Variants in GAS2L3 observed in about 807,000 individuals in gnomAD.
GAS2L3 encodes the protein growth arrest specific 2 like 3.
In GAS2L3, 28 loss-of-function variants were observed where a neutral mutation model predicts 37.0. The ratio of observed to expected loss-of-function variants is 0.76; its 90% CI spans 0.56 to 1.04. GAS2L3 has a LOEUF of 1.04. GAS2L3 is among the 50% of genes least tolerant of loss of function. The pLI, the probability that GAS2L3 is intolerant of heterozygous loss-of-function variation, is 0.00. For missense variants in GAS2L3, 793 were observed against 817.6 expected (o/e 0.97, Z 0.37); for synonymous variants, 290 against 296.6 (o/e 0.98, Z 0.23).
intron 8 of GAS2L3, among the ~76,000 whole-genome samples, chr12:100,620,545 A>G (rs1292789015): frequency 6.6e-6 from 1 of 151,964 alleles, no homozygotes; most frequent in South Asian, 2.1e-4. Flanking sequence ...TATCTTAAAT[A>G]AGGAAAAGAT....
At chr12:100,602,393 A>G (rs1243969093) in intron 5 of GAS2L3, among the ~76,000 whole-genome samples, 1 of 151,968 alleles carries the variant, frequency 6.6e-6, no homozygotes, top group East Asian at 1.9e-4. Context: ...AAATTTACAC[A>G]CAGTTGGTGG....
At chr12:100,609,843 A>G (rs1017825536) in intron 5 of GAS2L3, among the ~76,000 whole-genome samples, 1 of 152,174 alleles carries the variant, frequency 6.6e-6, no homozygotes, top group African/African-American at 2.4e-5. Context: ...AGTGAGTTCA[A>G]TGTAAAGCCT....
chr12:100,578,950 T>A, intron 1 of GAS2L3: 1 of 923,208 alleles, frequency 1.1e-6, no homozygotes, highest in Non-Finnish European at 1.8e-6. Context: ...AGGTTATAAT[T>A]GTCATCCATG....
At chr12:100,586,620 C>A (rs975019543) in intron 1 of GAS2L3, among the ~76,000 whole-genome samples, 8 of 152,186 alleles carry the variant, frequency 5.3e-5, no homozygotes, top group South Asian at 2.1e-4. Flanking sequence ...ACGTGTATAT[C>A]AAAAAGACTG....
At chr12:100,611,945 G>A (rs764541565) in intron 5 of GAS2L3, 55 bp from the exon 6 acceptor site, 20 of 1,209,944 alleles carry the variant, frequency 1.7e-5, no homozygotes, top group African/African-American at 3.0e-5. Flanking sequence ...CAAAATGAAT[G>A]TTTAATGAAA....
intron 8 of GAS2L3, 71 bp downstream of exon 8, chr12:100,618,658 G>T: frequency 3.0e-6 from 4 of 1,331,210 alleles, no homozygotes; most frequent in Non-Finnish European, 4.1e-6. Flanking sequence ...CTTCTAGTGT[G>T]CTACAGGTGA....
intron 6 of GAS2L3, among the ~76,000 whole-genome samples, chr12:100,613,650 A>G (rs879505938): frequency 6.6e-6 from 1 of 150,878 alleles, no homozygotes; most frequent in Non-Finnish European, 1.5e-5. Flanking sequence ...GCTGGAGTAC[A>G]GTGGCGCGAT....
chr12:100,608,697 G>A (rs1262728344), intron 5 of GAS2L3, among the ~76,000 whole-genome samples: 2 of 151,916 alleles, frequency 1.3e-5, no homozygotes, highest in African/African-American at 4.8e-5. Flanking sequence ...GATTTTTTTT[G>A]TATTTTTAGT....
At chr12:100,613,039 A>G (rs1956145169) in intron 6 of GAS2L3, among the ~76,000 whole-genome samples, 1 of 152,168 alleles carries the variant, frequency 6.6e-6, no homozygotes. Flanking sequence ...ATGGGATGCT[A>G]TTTTATCCCT....
At chr12:100,612,378 A>C in intron 6 of GAS2L3, 1 of 420,430 alleles carries the variant, frequency 2.4e-6, no homozygotes, top group Non-Finnish European at 4.2e-6. Context: ...GAATTCCTAA[A>C]TGAGTTGGCT....
intron 1 of GAS2L3, among the ~76,000 whole-genome samples, chr12:100,576,334 G>T (rs1171332153): frequency 6.6e-6 from 1 of 152,100 alleles, no homozygotes; most frequent in East Asian, 1.9e-4. Context: ...TAAAGAGCTT[G>T]CTGTTGATGA....
chr12:100,579,873 C>G, intron 1 of GAS2L3: 1 of 749,374 alleles, frequency 1.3e-6, no homozygotes, highest in Admixed American at 1.8e-5. Flanking sequence ...AGAAAATATC[C>G]GTAACATAGT....
In GAS2L3 at chr12:100,612,110, T is replaced by A. The variant is rs1178010239; in HGVS notation, c.414T>A (p.Asp138Glu). 6.2e-7 allele frequency: 1 copy of A among 1,613,506 alleles called. No homozygotes were observed. Residue 138 changes from aspartate to glutamate, a missense_variant, in exon 6 of 10, where the codon GAT (aspartate) becomes GAA (glutamate). Transcript: ENST00000547754. ...ACTGGTGTAGGGACATTGGGGTTGATGAAACTTACCTCTTTGAATCTGAAG... is the reference window on the plus strand; with the variant it reads ...ACTGGTGTAGGGACATTGGGGTTGAAGAAACTTACCTCTTTGAATCTGAAG... Reference protein sequence around the residue: ...FLHWCRDIGVDETYLFESEGL... With the variant: ...FLHWCRDIGVEETYLFESEGL...
chr12:100,581,862 A>G (rs1287314677), intron 1 of GAS2L3, among the ~76,000 whole-genome samples: 3 of 152,240 alleles, frequency 2.0e-5, no homozygotes, highest in Admixed American at 2.0e-4. Context: ...TTGTCATTTA[A>G]TTCTTAAATT....
intron 1 of GAS2L3, chr12:100,580,031 G>A: frequency 2.1e-6 from 3 of 1,436,460 alleles, no homozygotes; most frequent in Non-Finnish European, 2.9e-6. Flanking sequence ...TCTTTGCTTT[G>A]TTGGCTGTTT....
intron 1 of GAS2L3, among the ~76,000 whole-genome samples, chr12:100,588,524 A>G (rs1955808016): frequency 6.6e-6 from 1 of 152,234 alleles, no homozygotes; most frequent in African/African-American, 2.4e-5. Context: ...AGCAGAACTA[A>G]TAAGGGTCTA....
rs1565818785 is a variant in GAS2L3 at position 100,627,985 on chromosome 12, T to G, written c.*3095T>G. The G allele has an allele frequency of 6.6e-6, 1 of 152,232 alleles. No homozygotes were observed. The highest frequency in any genetic ancestry group is 1.5e-5 in the Non-Finnish European group (1 of 68,042). The allele number at this position is 152,232 out of a possible 1,614,324, so 9.4% of individuals were successfully genotyped here. ...GTATTTAAGGTTTATGTGTTCAAAA[T>G]GCCTTGGTAAATTGGATGACCTCTA... On this transcript the variant is annotated 3_prime_UTR_variant, in exon 10 of 10. Coordinates refer to ENST00000547754, the MANE Select transcript of GAS2L3 (RefSeq NM_174942.3).
chr12:100,578,780 C>T (rs894749983), intron 1 of GAS2L3: 19 of 587,674 alleles, frequency 3.2e-5, no homozygotes, highest in Admixed American at 2.4e-5. Flanking sequence ...TGGCCAGCCT[C>T]CCTCAGCTAC....
At position 100,576,281 on chromosome 12, in the gene GAS2L3, G is replaced by T. The variant is rs548446550; in HGVS notation, c.-152+2496G>T. 9.5e-4 allele frequency among the ~76,000 whole-genome samples: 144 copies of T among 151,816 alleles called. 2 individuals carry two copies. The highest frequency in any genetic ancestry group is 3.3e-3 in the African/African-American group (136 of 41,378). ...TCCTTTTTTTTTCCTATCAATTTAA[G>T]TTTGGAGATAATAGGAAAGGTTCAG... On this transcript the variant is annotated intron_variant, in intron 1 of 9. Transcript: ENST00000547754.
Sources: allele counts gnomAD v4.1 joint callset (sites outside exome capture counted in the v4.1 genomes callset), GRCh38; gene constraint gnomAD v4.1.1; transcripts MANE v1.5; gene names NCBI Gene and HGNC (gene_info 2026-07-23, HGNC 2026-07-21).